Variants in BCL2L1 observed in about 807,000 individuals in gnomAD.
BCL2L1 encodes bcl-2-like protein 1.
Under a neutral mutation model 18.7 loss-of-function variants are expected in BCL2L1, and 1 was observed. That is an observed-to-expected ratio of 0.05 (90% CI 0.02 to 0.25). BCL2L1 has a LOEUF of 0.25. Ranked by LOEUF, BCL2L1 falls within the 10% of genes least tolerant of loss-of-function variation. The pLI is 1.00. For missense variants in BCL2L1, 207 were observed against 304.9 expected (o/e 0.68, Z 2.39); for synonymous variants, 103 against 122.7 (o/e 0.84, Z 1.06).
rs886270148 is a variant in BCL2L1 at position 31,720,188 on chromosome 20, C to A, written c.564+1467G>T. On this transcript the variant is annotated intron_variant, in intron 2 of 2. Transcript: ENST00000307677. Reference sequence around the variant, plus strand: ...CCCTTGCCTTTTACAAGAGCTGGCACAGACGAGTTGAAATTGCAAAGAAAT... The same window carrying A: ...CCCTTGCCTTTTACAAGAGCTGGCAAAGACGAGTTGAAATTGCAAAGAAAT... The A allele has an allele frequency of 3.1e-6, 3 of 979,794 alleles. No individual in the cohort carries two copies. In the African/African-American group the frequency reaches 5.3e-5, roughly 17 times the overall value. 60.7% of individuals were successfully genotyped at this position (979,794 alleles called of 1,614,324 possible). A position where few individuals can be genotyped will look rare whatever the true frequency, so the allele number is the denominator to read the frequency against.
At chr20:31,675,154 T>A (rs2060739559) in intron 2 of BCL2L1, among the ~76,000 whole-genome samples, 1 of 152,184 alleles carries the variant, frequency 6.6e-6, no homozygotes, top group South Asian at 2.1e-4. Context: ...TCCTTCCTCT[T>A]GGGTGACTCT....
intron 2 of BCL2L1, among the ~76,000 whole-genome samples, chr20:31,678,569 T>C (rs964251029): frequency 6.6e-6 from 1 of 152,176 alleles, no homozygotes; most frequent in African/African-American, 2.4e-5. Flanking sequence ...AGAAGCAACA[T>C]TCTGAAGTAG....
At chr20:31,680,214 T>G (rs1201060703) in intron 2 of BCL2L1, among the ~76,000 whole-genome samples, 2 of 152,216 alleles carry the variant, frequency 1.3e-5, no homozygotes, top group Non-Finnish European at 1.5e-5. Flanking sequence ...AGTGAGGGCA[T>G]TCAACTTCAC....
rs541556530 is a variant in BCL2L1, at chr20:31,709,660, C to T, written c.564+11995G>A. On this transcript the variant is annotated intron_variant, in intron 2 of 2. Transcript: ENST00000307677. ...CATCCTGGCTAACACGGTGAAACCCCGTCTCTACTAAAAATACAAAAAAAA... is the reference window on the plus strand; with the variant it reads ...CATCCTGGCTAACACGGTGAAACCCTGTCTCTACTAAAAATACAAAAAAAA... Among the ~76,000 whole-genome samples the T allele has an allele frequency of 5.9e-5, 9 of 151,674 alleles. No individual in the cohort carries two copies. In the South Asian group the frequency reaches 6.2e-4, roughly 11 times the overall value.
chr20:31,701,220 A>AT (rs939673285), intron 2 of BCL2L1, among the ~76,000 whole-genome samples: 1 of 151,950 alleles, frequency 6.6e-6, no homozygotes, highest in Non-Finnish European at 1.5e-5. Flanking sequence ...CACCTGGCTA[A>AT]TTTTTTGTAT....
intron 2 of BCL2L1, among the ~76,000 whole-genome samples, chr20:31,701,404 A>G (rs2061275548): frequency 6.6e-6 from 1 of 152,212 alleles, no homozygotes; most frequent in Non-Finnish European, 1.5e-5. Context: ...GGCAATATTT[A>G]GTTATAAAGA....
rs939286454 is a variant in BCL2L1, at chr20:31,666,093, G to T, written c.565-7C>A. 1.9e-6 allele frequency: 3 copies of T among 1,613,800 alleles called. No homozygotes were observed. The African/African-American group carries it at 4.0e-5, about 22-fold the overall frequency. On this transcript the variant is annotated splice_region_variant and splice_polypyrimidine_tract_variant and intron_variant, in intron 2 of 2. Transcript: ENST00000307677. ...AGAGTTCCACAAAAGTATCCTGCAG[G>T]GAGAGAGAAGGAAGGTGCAGTTTTA...
intron 2 of BCL2L1, among the ~76,000 whole-genome samples, chr20:31,715,445 C>A (rs536143378): frequency 6.6e-6 from 1 of 152,034 alleles, no homozygotes; most frequent in Non-Finnish European, 1.5e-5. Context: ...CCACATTGAC[C>A]TTCTTGCTCA....
At chr20:31,687,108 A>G (rs1163331913) in intron 2 of BCL2L1, among the ~76,000 whole-genome samples, 1 of 152,150 alleles carries the variant, frequency 6.6e-6, no homozygotes, top group Non-Finnish European at 1.5e-5. Flanking sequence ...ATATGAAGTC[A>G]GGAGTTTGAG....
chr20:31,696,257 G>A (rs1172849154), intron 2 of BCL2L1, among the ~76,000 whole-genome samples: 1 of 152,210 alleles, frequency 6.6e-6, no homozygotes, highest in Non-Finnish European at 1.5e-5. Context: ...TATCCCTCAG[G>A]AAATGACTCA....
In BCL2L1 at chr20:31,721,953, G is replaced by A. The variant is rs1422601444; in HGVS notation, c.266C>T (p.Ala89Val). 3 of 1,614,144 alleles carry A rather than the reference G, an allele frequency of 1.9e-6. No homozygotes were observed. The highest frequency in any genetic ancestry group is 2.2e-5 in the East Asian group (1 of 44,886). Residue 89 changes from alanine to valine, a missense_variant, in exon 2 of 3, where the codon GCG (alanine) becomes GTG (valine). Ala to Val is a moderately conservative substitution (Grantham distance 64). Transcript: ENST00000307677. ...AAACTCGTCGCCTGCCTCCCTCAGC[G>A]CTTGCTTTACTGCTGCCATGGGGAT... ...EVIPMAAVKQ[A>V]LREAGDEFEL...
In BCL2L1 at chr20:31,676,310, CTGT is replaced by C. The variant is rs1049665223; in HGVS notation, c.565-10227_565-10225del. On this transcript the variant is annotated intron_variant, in intron 2 of 2. Transcript: ENST00000307677. The stretch of plus-strand genomic sequence containing the variant: ...TCACAATAATCCCACCGAGTACATG[CTGT>C]TATTACTCTCCAGCTTACAGATGAG... Among the ~76,000 whole-genome samples the C allele has an allele frequency of 1.9e-4, 29 of 152,140 alleles. 2 individuals are homozygous for C. The highest frequency in any genetic ancestry group is 1.5e-5 in the Non-Finnish European group (1 of 68,034).
At chr20:31,699,028 G>C (rs1291213000) in intron 2 of BCL2L1, among the ~76,000 whole-genome samples, 5 of 152,134 alleles carry the variant, frequency 3.3e-5, no homozygotes, top group Admixed American at 3.3e-4. Context: ...CCTAAGCCTC[G>C]GACTTAGGCA....
intron 2 of BCL2L1, among the ~76,000 whole-genome samples, chr20:31,689,425 T>C (rs2061022514): frequency 7.0e-6 from 1 of 142,646 alleles, no homozygotes; most frequent in East Asian, 2.1e-4. Flanking sequence ...ATCCCGTCTC[T>C]ACAAAAAAAA....
At chr20:31,695,074 C>T (rs562026778) in intron 2 of BCL2L1, among the ~76,000 whole-genome samples, 1 of 151,770 alleles carries the variant, frequency 6.6e-6, no homozygotes, top group East Asian at 1.9e-4. Context: ...TTCTCTCTCA[C>T]CTCTTATCCA....
intron 2 of BCL2L1, among the ~76,000 whole-genome samples, chr20:31,718,281 A>G (rs529335203): frequency 1.3e-5 from 2 of 152,278 alleles, no homozygotes; most frequent in East Asian, 1.9e-4. Context: ...CTAAGTAGAG[A>G]TACCTGGGGC....
At chr20:31,681,624 C>G (rs1408320958) in intron 2 of BCL2L1, among the ~76,000 whole-genome samples, 1 of 152,164 alleles carries the variant, frequency 6.6e-6, no homozygotes, top group Non-Finnish European at 1.5e-5. Context: ...CTGGAAGACA[C>G]AGCAAGATAC....
chr20:31,710,326 T>G (rs971591250), intron 2 of BCL2L1, among the ~76,000 whole-genome samples: 1 of 152,064 alleles, frequency 6.6e-6, no homozygotes, highest in Non-Finnish European at 1.5e-5. Flanking sequence ...ATCAGATCCA[T>G]AGGATGAGTG....
chr20:31,700,873 T>C (rs1220278348), intron 2 of BCL2L1, among the ~76,000 whole-genome samples: 5 of 152,220 alleles, frequency 3.3e-5, no homozygotes, highest in African/African-American at 1.2e-4. Flanking sequence ...GAAACAAAGT[T>C]AGCTAGGTCC....
Sources: allele counts gnomAD v4.1 joint callset (sites outside exome capture counted in the v4.1 genomes callset), GRCh38; gene constraint gnomAD v4.1.1; transcripts MANE v1.5; gene names NCBI Gene and HGNC (gene_info 2026-07-23, HGNC 2026-07-21).